Variants in PDE4D observed in about 807,000 individuals in gnomAD.
PDE4D encodes 3',5'-cyclic-AMP phosphodiesterase 4D.
In PDE4D, 24 loss-of-function variants were observed where a neutral mutation model predicts 87.4. The ratio of observed to expected loss-of-function variants is 0.27; its 90% confidence interval spans 0.20 to 0.39. PDE4D has a LOEUF of 0.39. Ranked by LOEUF, PDE4D falls within the 10% of genes least tolerant of loss-of-function variation. The probability of loss-of-function intolerance (pLI) is 1.00; values close to 1 mark genes in which losing one functional copy is unlikely to be tolerated. For synonymous variants in PDE4D, 384 were observed against 383.2 expected (o/e 1.00, Z -0.02); for missense variants, 714 against 1,041.0 (o/e 0.69, Z 4.32).
At chr5:59,370,103 T>C (rs1729232027) in intron 1 of PDE4D, among the ~76,000 whole-genome samples, 1 of 152,158 alleles carries the variant, frequency 6.6e-6, no homozygotes, top group South Asian at 2.1e-4. Context: ...TCCACTGCCA[T>C]CACCCGGGTC....
chr5:60,418,044 G>T (rs1742767895), intron 1 of PDE4D, among the ~76,000 whole-genome samples: 1 of 152,154 alleles, frequency 6.6e-6, no homozygotes, highest in African/African-American at 2.4e-5. Flanking sequence ...AATGTTCCAG[G>T]AAGTGGAGAA....
intron 2 of PDE4D, among the ~76,000 whole-genome samples, chr5:60,023,789 T>C (rs187004673): frequency 1.2e-4 from 18 of 152,262 alleles, no homozygotes; most frequent in Admixed American, 3.9e-4. Flanking sequence ...AATATTCACA[T>C]ATAATGAGTG....
intron 1 of PDE4D, chr5:59,275,323 A>AGAAAG (rs758921773): frequency 1.1e-5 from 18 of 1,587,792 alleles, no homozygotes; most frequent in Non-Finnish European, 1.5e-5. Context: ...AAAGCATGAG[A>AGAAAG]GAAAAGAACG....
At chr5:59,075,711 C>G (rs1765577003) in intron 5 of PDE4D, among the ~76,000 whole-genome samples, 2 of 152,022 alleles carry the variant, frequency 1.3e-5, no homozygotes, top group African/African-American at 4.8e-5. Flanking sequence ...ATAAAGCATA[C>G]AAGAAATTCT....
chr5:59,626,251 A>G (rs1366653182), intron 1 of PDE4D, among the ~76,000 whole-genome samples: 1 of 152,256 alleles, frequency 6.6e-6, no homozygotes, highest in East Asian at 1.9e-4. Context: ...AATGAAAGTC[A>G]ACAAGAGAAT....
At chr5:59,735,283 G>A (rs562930982) in intron 1 of PDE4D, among the ~76,000 whole-genome samples, 16 of 152,156 alleles carry the variant, frequency 1.1e-4, no homozygotes, top group African/African-American at 3.9e-4. Context: ...GTATATAAAG[G>A]AATGATTACT....
At chr5:59,200,071 G>A (rs907798336) in intron 2 of PDE4D, among the ~76,000 whole-genome samples, 7 of 49,600 alleles carry the variant, frequency 1.4e-4, no homozygotes, top group African/African-American at 2.9e-4. Context: ...GTACACACAC[G>A]TATGCACACA....
intron 1 of PDE4D, among the ~76,000 whole-genome samples, chr5:60,508,871 TTTTC>T (rs1290997621): frequency 2.0e-5 from 3 of 151,688 alleles, no homozygotes; most frequent in Admixed American, 6.5e-5. Context: ...TTCTCTTTTT[TTTTC>T]TTTCTTTCTT....
At chr5:60,393,510 C>A (rs1371290476) in intron 1 of PDE4D, among the ~76,000 whole-genome samples, 1 of 152,142 alleles carries the variant, frequency 6.6e-6, no homozygotes, top group South Asian at 2.1e-4. Flanking sequence ...ATAAAAAACA[C>A]TACCAATTTA....
intron 1 of PDE4D, among the ~76,000 whole-genome samples, chr5:60,251,324 C>T (rs1271561436): frequency 2.0e-5 from 3 of 151,828 alleles, no homozygotes; most frequent in African/African-American, 4.8e-5. Context: ...AAGCCTGGTA[C>T]CTGCTGGTTA....
Position 60,420,697 on chromosome 5 carries a change from T to C in PDE4D, c.-90+67245A>G, listed in dbSNP as rs562914753. Reference sequence around the variant, plus strand: ...ACTTGGTTCATCTCATTGGGACTGATTGGACAGTGGGTGCAGCCCATGGAG... The same window carrying C: ...ACTTGGTTCATCTCATTGGGACTGACTGGACAGTGGGTGCAGCCCATGGAG... On this transcript the variant is annotated intron_variant, in intron 1 of 16. Coordinates refer to the PDE4D transcript ENST00000502484. 7.9e-4 allele frequency among the ~76,000 whole-genome samples: 120 copies of C among 152,316 alleles called. 1 individual carries two copies. Among genetic ancestry groups the C allele is most frequent in the African/African-American group, 2.8e-3 (115 of 41,562 alleles).
chr5:59,196,640 T>C (rs948308890), intron 2 of PDE4D, among the ~76,000 whole-genome samples: 2 of 152,222 alleles, frequency 1.3e-5, no homozygotes, highest in African/African-American at 4.8e-5. Flanking sequence ...GACAAATTTC[T>C]ACACACATAA....
chr5:60,412,454 A>T (rs891240484), intron 1 of PDE4D, among the ~76,000 whole-genome samples: 1 of 152,194 alleles, frequency 6.6e-6, no homozygotes, highest in Admixed American at 6.5e-5. Context: ...GTATTCTACC[A>T]CATTCCACCT....
chr5:59,036,704 A>T (rs1300409220), intron 6 of PDE4D, among the ~76,000 whole-genome samples: 1 of 152,238 alleles, frequency 6.6e-6, no homozygotes, highest in Non-Finnish European at 1.5e-5. Flanking sequence ...TTTAGAAATA[A>T]ATAAGTTAAA....
At chr5:59,706,839 TGAAAAAATATTA>T (rs140684471) in intron 1 of PDE4D, among the ~76,000 whole-genome samples, 2,082 of 152,250 alleles carry the variant, frequency 0.014, 48 homozygotes, top group African/African-American at 0.048. Context: ...ATAATGGCCC[TGAAAAAATATTA>T]GAGTGGTTTT....
chr5:60,274,326 G>A (rs934268341), intron 1 of PDE4D, among the ~76,000 whole-genome samples: 1 of 137,394 alleles, frequency 7.3e-6, no homozygotes, highest in African/African-American at 2.8e-5. Flanking sequence ...GTTGTTATTT[G>A]TTTGGTTCTT....
chr5:59,383,529 T>G (rs1786330134), intron 1 of PDE4D, among the ~76,000 whole-genome samples: 1 of 152,166 alleles, frequency 6.6e-6, no homozygotes, highest in Non-Finnish European at 1.5e-5. Flanking sequence ...TCTAAGACGC[T>G]ACACAATGTA....
At chr5:60,457,343 T>G (rs1030892194) in intron 1 of PDE4D, among the ~76,000 whole-genome samples, 1 of 152,216 alleles carries the variant, frequency 6.6e-6, no homozygotes, top group African/African-American at 2.4e-5. Flanking sequence ...CCTGAAATTT[T>G]GATTTAAGAG....
At position 59,244,215 on chromosome 5, in the gene PDE4D, T is replaced by C. The variant is rs4379155; in HGVS notation, c.456-28247A>G. ...GAGTTCAAGACCACCCTGGGCAACA[T>C]GGTGACACCCTGTCTCCACTAAAAA... is the stretch of plus-strand genomic sequence containing the variant. On this transcript the variant is annotated intron_variant, in intron 1 of 14. Transcript: ENST00000340635. Among the ~76,000 whole-genome samples the C allele has an allele frequency of 1.8e-3, 278 of 151,960 alleles. 1 individual carries two copies. Among genetic ancestry groups the C allele is most frequent in the African/African-American group, 6.3e-3 (263 of 41,462 alleles).
Sources: gnomAD v4.1 joint callset for allele counts (sites outside exome capture counted in the v4.1 genomes callset) on GRCh38, gnomAD v4.1.1 for gene constraint, MANE v1.5 for transcripts, NCBI Gene and HGNC (gene_info 2026-07-23, HGNC 2026-07-21) for gene names.